The following AVEN variants were observed in gnomAD, a reference collection of about 807,000 sequenced individuals.
The protein encoded by AVEN is apoptosis and caspase activation inhibitor.
In AVEN, 41 loss-of-function variants were observed where a neutral mutation model predicts 38.1. The observed-to-expected ratio is 1.08, with a 90% CI of 0.84 to 1.40. The LOEUF (loss-of-function observed/expected upper bound fraction) is 1.40. Among genes scored for constraint, AVEN ranks in the 40% most tolerant of loss-of-function variants. The pLI, the probability that AVEN is intolerant of heterozygous loss-of-function variation, is 0.00. For synonymous variants in AVEN, 206 were observed against 171.8 expected (o/e 1.20, Z -1.56); for missense variants, 605 against 438.8 (o/e 1.38, Z -3.38).
chr15:34,024,809 C>T (rs1335354450), intron 1 of AVEN, among the ~76,000 whole-genome samples: 2 of 149,018 alleles, frequency 1.3e-5, no homozygotes, highest in East Asian at 2.0e-4. Context: ...TGCAGTGAGC[C>T]GAGATCGTGC....
chr15:33,926,549 G>A (rs891684478), intron 2 of AVEN, among the ~76,000 whole-genome samples: 1 of 152,196 alleles, frequency 6.6e-6, no homozygotes, highest in Non-Finnish European at 1.5e-5. Flanking sequence ...AGAGGCTCAT[G>A]CCTATAATCC....
At chr15:33,888,337 A>G (rs1891789157) in intron 2 of AVEN, among the ~76,000 whole-genome samples, 1 of 151,754 alleles carries the variant, frequency 6.6e-6, no homozygotes, top group Admixed American at 6.6e-5. Flanking sequence ...AGGGGGGCAT[A>G]GTGAATCCAG....
intron 2 of AVEN, among the ~76,000 whole-genome samples, chr15:33,981,897 C>T (rs1429481347): frequency 2.6e-5 from 4 of 152,130 alleles, no homozygotes; most frequent in African/African-American, 7.2e-5. Flanking sequence ...TGCAGTGGCG[C>T]GATCTTGGCT....
chr15:33,877,264 T>C (rs767367457), intron 2 of AVEN, among the ~76,000 whole-genome samples: 37 of 152,182 alleles, frequency 2.4e-4, no homozygotes, highest in Non-Finnish European at 4.3e-4. Flanking sequence ...GCCAGGATTA[T>C]ACCTAAAAAT....
At chr15:33,953,472 A>C (rs1021422728) in intron 2 of AVEN, among the ~76,000 whole-genome samples, 1 of 152,230 alleles carries the variant, frequency 6.6e-6, no homozygotes, top group Non-Finnish European at 1.5e-5. Context: ...CAGAGGCCTC[A>C]GAAATAACAC....
At chr15:33,952,688 A>G (rs1440015337) in intron 2 of AVEN, among the ~76,000 whole-genome samples, 1 of 152,174 alleles carries the variant, frequency 6.6e-6, no homozygotes, top group Non-Finnish European at 1.5e-5. Context: ...TTGTTGAACT[A>G]GATGTGGAAC....
At chr15:34,067,881 A>G (rs766277534) in intron 2 of AVEN, among the ~76,000 whole-genome samples, 45 of 152,340 alleles carry the variant, frequency 3.0e-4, no homozygotes, top group Non-Finnish European at 7.3e-5. Context: ...TTTACTGGTA[A>G]AGTTCAAGAT....
In AVEN at chr15:33,961,606, G is replaced by A. The variant is rs549461828; in HGVS notation, c.445+41426C>T. Reference sequence around the variant, plus strand: ...AGGTGGGCGAATCACGAGGTCAGGAGATCGAGACCATTCTGGCTAACACGG... The same window carrying A: ...AGGTGGGCGAATCACGAGGTCAGGAAATCGAGACCATTCTGGCTAACACGG... On this transcript the variant is annotated intron_variant, in intron 2 of 5. Coordinates refer to ENST00000306730, the MANE Select transcript of AVEN (RefSeq NM_020371.3). 4.7e-3 allele frequency among the ~76,000 whole-genome samples: 713 copies of A among 151,816 alleles called. 3 individuals carry two copies. The highest frequency in any genetic ancestry group is 0.014 in the African/African-American group (593 of 41,374).
intron 2 of AVEN, among the ~76,000 whole-genome samples, chr15:33,937,388 C>T (rs1894121144): frequency 6.6e-6 from 1 of 151,590 alleles, no homozygotes; most frequent in Non-Finnish European, 1.5e-5. Context: ...AAAAAATTAG[C>T]CGGGCGTGGT....
At chr15:34,029,642 G>A (rs145854230) in intron 1 of AVEN, among the ~76,000 whole-genome samples, 6 of 152,212 alleles carry the variant, frequency 3.9e-5, no homozygotes, top group Admixed American at 3.9e-4. Flanking sequence ...CACAACACTT[G>A]GGAATGGAGT....
chr15:33,934,271 G>A lies in AVEN; in HGVS notation c.446-58276C>T, dbSNP rs186247923. ...AGCTACTCAGGAGGCTGAGGTGGGGGACTCCTTGAGCCCAGGAGTTTGAGG... is the reference window on the plus strand; with the variant it reads ...AGCTACTCAGGAGGCTGAGGTGGGGAACTCCTTGAGCCCAGGAGTTTGAGG... On this transcript the variant is annotated intron_variant, in intron 2 of 5. Coordinates refer to ENST00000306730, the MANE Select transcript of AVEN (RefSeq NM_020371.3). 2.4e-4 allele frequency among the ~76,000 whole-genome samples: 37 copies of A among 152,186 alleles called. No homozygotes were observed. The East Asian group carries it at 6.6e-3, about 27-fold the overall frequency.
At position 34,038,997 on chromosome 15, in the gene AVEN, C is replaced by A. The variant is rs1263560891; in HGVS notation, c.50G>T (p.Arg17Leu). ...GTGGCGATCTCCGCCAGGCCGGCCG[C>A]GGCCTGGCCGCCGCCCACGGCCTCC... is the stretch of plus-strand genomic sequence containing the variant. ...ARGGRGRRPG[R>L]GRPGGDRHSE... Residue 17 changes from arginine (R) to leucine (L), a missense_variant, in exon 1 of 6, where the codon CGC (arginine) becomes CTC (leucine). Transcript: ENST00000306730. 1.8e-6 allele frequency: 2 copies of A among 1,119,300 alleles called. No homozygotes were observed. The highest frequency in any genetic ancestry group is 1.7e-5 in the African/African-American group (1 of 59,702). 69.3% of individuals were successfully genotyped at this position (1,119,300 alleles called of 1,614,324 possible). A position where few individuals can be genotyped will look rare whatever the true frequency, so the allele number is the denominator to read the frequency against.
chr15:33,960,566 T>TA (rs960034500), intron 2 of AVEN, among the ~76,000 whole-genome samples: 5 of 152,002 alleles, frequency 3.3e-5, no homozygotes, highest in East Asian at 3.9e-4. Context: ...GCTTTGGGAT[T>TA]AAAAAAAAGA....
At chr15:33,920,007 C>A (rs1261996988) in intron 2 of AVEN, among the ~76,000 whole-genome samples, 1 of 152,062 alleles carries the variant, frequency 6.6e-6, no homozygotes, top group Admixed American at 6.6e-5. Context: ...CTTCCCTATC[C>A]ATCTCCTCCA....
intron 2 of AVEN, among the ~76,000 whole-genome samples, chr15:33,879,443 T>C (rs902624189): frequency 1.3e-5 from 2 of 149,224 alleles, no homozygotes; most frequent in Admixed American, 6.6e-5. Flanking sequence ...AGGAGATATA[T>C]CTAATGCTAA....
chr15:33,985,411 G>GTTCCTTTGTTACCAGAAAGGAACA (rs1896387658), intron 2 of AVEN, among the ~76,000 whole-genome samples: 1 of 150,688 alleles, frequency 6.6e-6, no homozygotes, highest in Non-Finnish European at 1.5e-5. Flanking sequence ...TGAGCTGAGT[G>GTTCCTTTGTTACCAGAAAGGAACA]CATGCCCTCA....
intron 2 of AVEN, among the ~76,000 whole-genome samples, chr15:33,977,109 G>T (rs931018098): frequency 6.6e-6 from 1 of 152,188 alleles, no homozygotes; most frequent in Admixed American, 6.5e-5. Context: ...AAGGAGATAG[G>T]AAGGTTGAAA....
At chr15:33,856,516 A>G (rs898262974), downstream of AVEN, 5 of 152,310 alleles carry the variant, frequency 3.3e-5, no homozygotes, top group African/African-American at 1.2e-4. Context: ...AATTCTCTGT[A>G]ATAAAAAGTG....
At chr15:34,024,688 T>C (rs1258118321) in intron 1 of AVEN, among the ~76,000 whole-genome samples, 2 of 131,984 alleles carry the variant, frequency 1.5e-5, no homozygotes, top group Non-Finnish European at 1.6e-5. Flanking sequence ...CCGTCTCTAC[T>C]AAAAAAAAAA....
Sources: allele counts gnomAD v4.1 joint callset (sites outside exome capture counted in the v4.1 genomes callset), GRCh38; gene constraint gnomAD v4.1.1; transcripts MANE v1.5; gene names NCBI Gene and HGNC (gene_info 2026-07-23, HGNC 2026-07-21).